The following SPINK5 variants were observed in gnomAD, a reference collection of about 807,000 sequenced individuals.
SPINK5 encodes the protein serine protease inhibitor Kazal-type 5.
Under a neutral mutation model 151.8 loss-of-function variants are expected in SPINK5, and 125 were observed. The ratio of observed to expected loss-of-function variants is 0.82; its 90% confidence interval spans 0.71 to 0.96. The LOEUF (loss-of-function observed/expected upper bound fraction) is 0.96. Ranked by LOEUF, SPINK5 falls within the 40% of genes least tolerant of loss-of-function variation. The pLI is 0.00. For synonymous variants in SPINK5, 374 were observed against 395.3 expected, an observed-to-expected ratio of 0.95 and a Z score of 0.64; for missense variants, 1,194 against 1,291.9, an observed-to-expected ratio of 0.92 and a Z score of 1.16.
chr5:148,133,521 G>T (rs1027775259), intron 31 of SPINK5, among the ~76,000 whole-genome samples: 2 of 152,134 alleles, frequency 1.3e-5, no homozygotes, highest in African/African-American at 4.8e-5. Context: ...CTTTAGACCA[G>T]ATGATCTCCA....
chr5:148,119,145 G>C, intron 24 of SPINK5, 87 bp downstream of exon 24: 1 of 1,295,902 alleles, frequency 7.7e-7, no homozygotes, highest in Non-Finnish European at 1.1e-6. Flanking sequence ...GTGTCAACAT[G>C]ATCAAGCTAG....
rs371691086 is a variant in SPINK5, at chr5:148,091,246, C to T, written c.666+18C>T. On this transcript the variant is annotated intron_variant, in intron 8 of 32. Coordinates refer to ENST00000256084, the MANE Select transcript of SPINK5 (RefSeq NM_006846.4). The stretch of plus-strand genomic sequence containing the variant: ...CTGAAAAGGTAAAATGACTCACCAA[C>T]GCAATTTTGTTCTTGTGGCCATATT... 78 of 1,608,950 alleles carry T rather than the reference C, an allele frequency of 4.8e-5. No individual in the cohort carries two copies. Among genetic ancestry groups the T allele is most frequent in the African/African-American group, 1.6e-4 (12 of 74,576 alleles).
chr5:148,101,996 TTTC>T (rs1244275050), intron 15 of SPINK5, 88 bp downstream of exon 15: 35 of 1,585,128 alleles, frequency 2.2e-5, no homozygotes, highest in Non-Finnish European at 2.8e-5. Context: ...AATAATGCAT[TTTC>T]TTCTTCAGTG....
intron 3 of SPINK5, among the ~76,000 whole-genome samples, chr5:148,071,738 A>G (rs985900590): frequency 1.3e-5 from 2 of 152,090 alleles, no homozygotes; most frequent in African/African-American, 4.8e-5. Context: ...AGATTCCTAA[A>G]GAACTGGCTT....
chr5:148,070,358 T>A lies in SPINK5; in HGVS notation c.117T>A (p.Asn39Lys). 6.2e-7 allele frequency: 1 copy of A among 1,612,690 alleles called. No individual in the cohort carries two copies. Among genetic ancestry groups the A allele is most frequent in the South Asian group, 1.1e-5 (1 of 91,068 alleles). The change falls in exon 3 of 33, where the codon AAT becomes AAA. Residue 39 changes from asparagine (N) to lysine (K), a missense_variant. By Grantham distance (94) the Asn-to-Lys change is moderately conservative (BLOSUM62 0). Transcript: ENST00000256084. ...ATGAATTTCAGGCATTTATGAAAAA[T>A]GGAAAACTGTTCTGTCCCCAGGATA... ...MCHEFQAFMKNGKLFCPQDKK... is the reference protein window; with the variant it reads ...MCHEFQAFMKKGKLFCPQDKK...
Position 148,097,918 on chromosome 5 carries a change from A to G in SPINK5, c.934A>G (p.Thr312Ala), listed in dbSNP as rs758898466. ...NQAKNGILFC[T>A]RENDPIRGPD... ...GGCAAAGAATGGAATACTTTTCTGT[A>G]CCAGAGAAAATGACCCTATTCGTGG... is the stretch of plus-strand genomic sequence containing the variant. The change falls in exon 11 of 33, where the codon ACC becomes GCC. Residue 312 changes from threonine (T) to alanine (A), a missense_variant. By Grantham distance (58) the Thr-to-Ala change is moderately conservative. Coordinates refer to ENST00000256084, the MANE Select transcript of SPINK5 (RefSeq NM_006846.4). 1.9e-6 allele frequency: 3 copies of G among 1,612,372 alleles called. No homozygotes were observed. The highest frequency in any genetic ancestry group is 1.7e-6 in the Non-Finnish European group (2 of 1,178,780).
chr5:148,092,699 G>A (rs761445367), intron 8 of SPINK5, among the ~76,000 whole-genome samples: 7 of 151,716 alleles, frequency 4.6e-5, no homozygotes, highest in Admixed American at 2.0e-4. Context: ...TTTCTTTTAC[G>A]AGAATCATTG....
chr5:148,134,555 C>A (rs1754650565), intron 32 of SPINK5, among the ~76,000 whole-genome samples: 1 of 152,122 alleles, frequency 6.6e-6, no homozygotes, highest in South Asian at 2.1e-4. Flanking sequence ...AACCAAATAT[C>A]CCAATGACCT....
chr5:148,127,807 G>A (rs1025705515), intron 30 of SPINK5, among the ~76,000 whole-genome samples: 22 of 152,144 alleles, frequency 1.4e-4, no homozygotes, highest in African/African-American at 4.6e-4. Context: ...ACCATGAGCC[G>A]TGATAGTGCC....
chr5:148,125,541 T>G (rs1250713004), intron 28 of SPINK5, 182 bp from the exon 29 acceptor site: 2 of 1,613,802 alleles, frequency 1.2e-6, no homozygotes, highest in Non-Finnish European at 1.7e-6. Context: ...GCAGACAGGT[T>G]CAGAATGAAG....
At chr5:148,084,425 A>G (rs1753100568) in intron 4 of SPINK5, among the ~76,000 whole-genome samples, 1 of 151,854 alleles carries the variant, frequency 6.6e-6, no homozygotes, top group Admixed American at 6.6e-5. Flanking sequence ...TGTTTTCTGT[A>G]GGTTGTGATC....
chr5:148,103,855 C>T (rs1753711556), intron 15 of SPINK5, among the ~76,000 whole-genome samples: 1 of 152,070 alleles, frequency 6.6e-6, no homozygotes, highest in African/African-American at 2.4e-5. Context: ...GATTGGGACA[C>T]ATTAAAACAT....
Position 148,097,901 on chromosome 5 carries a change from A to G in SPINK5, c.917A>G (p.Asn306Ser), listed in dbSNP as rs947124939. The G allele has an allele frequency of 6.2e-7, 1 of 1,612,120 alleles. No homozygotes were observed. The highest frequency in any genetic ancestry group is 1.7e-4 in the Middle Eastern group (1 of 6,044). The change falls in exon 11 of 33, where the codon AAT (asparagine) becomes AGT (serine). Residue 306 changes from asparagine to serine, a missense_variant. Transcript: ENST00000256084. ...AGTCAATATCAAAATCAGGCAAAGAATGGAATACTTTTCTGTACCAGAGAA... is the reference window on the plus strand; with the variant it reads ...AGTCAATATCAAAATCAGGCAAAGAGTGGAATACTTTTCTGTACCAGAGAA... The part of the protein sequence containing the change: ...LCSQYQNQAK[N>S]GILFCTREND...
In SPINK5 at chr5:148,133,900, GTAGACTGGCCTCCATGGTTA is replaced by G; in HGVS notation, c.3186+14_3186+33del. ...CATGCCCCCGTCTGTAAGTACATAAGTAGACTGGCCTCCATGGTTACGTTGTGAGGAGCACTGGGTTCTGG... is the reference window on the plus strand; with the variant it reads ...CATGCCCCCGTCTGTAAGTACATAAGCGTTGTGAGGAGCACTGGGTTCTGG... On this transcript the variant is annotated intron_variant, in intron 32 of 32. Coordinates refer to ENST00000256084, the MANE Select transcript of SPINK5 (RefSeq NM_006846.4). 6.2e-7 allele frequency: 1 copy of G among 1,613,630 alleles called. No homozygotes were observed. Among genetic ancestry groups the G allele is most frequent in the Non-Finnish European group, 8.5e-7 (1 of 1,179,674 alleles).
intron 8 of SPINK5, among the ~76,000 whole-genome samples, chr5:148,091,886 A>G (rs1312321376): frequency 6.6e-6 from 1 of 151,858 alleles, no homozygotes; most frequent in Non-Finnish European, 1.5e-5. Flanking sequence ...TTGAATAAGC[A>G]CTTTAGGTAA....
At chr5:148,130,400 A>C (rs1372054605) in intron 30 of SPINK5, among the ~76,000 whole-genome samples, 1 of 151,908 alleles carries the variant, frequency 6.6e-6, no homozygotes, top group Admixed American at 6.6e-5. Context: ...TTTTAACTGG[A>C]GTACTTACTT....
intron 8 of SPINK5, 82 bp downstream of exon 8, chr5:148,091,310 T>G: frequency 8.8e-7 from 1 of 1,135,590 alleles, no homozygotes; most frequent in Non-Finnish European, 1.3e-6. Flanking sequence ...AGTAATGAAA[T>G]AAAGTCATTG....
At chr5:148,121,650 TAA>T (rs922630510) in intron 26 of SPINK5, among the ~76,000 whole-genome samples, 2 of 102,936 alleles carry the variant, frequency 1.9e-5, no homozygotes, top group Non-Finnish European at 2.4e-5. Context: ...AAATACTGAG[TAA>T]AAAAAAAATA....
At chr5:148,118,905 C>T (rs1369193801) in intron 23 of SPINK5, 81 bp from the exon 24 acceptor site, 6 of 1,421,668 alleles carry the variant, frequency 4.2e-6, no homozygotes, top group Non-Finnish European at 5.9e-6. Context: ...GACTTCTTGT[C>T]ATTTGCACGG....
Sources: allele counts gnomAD v4.1 joint callset (sites outside exome capture counted in the v4.1 genomes callset), GRCh38; gene constraint gnomAD v4.1.1; transcripts MANE v1.5; gene names NCBI Gene and HGNC (gene_info 2026-07-23, HGNC 2026-07-21).